CALCRL: variants seen among roughly 807,000 people sequenced by gnomAD.
The protein encoded by CALCRL is calcitonin receptor like receptor.
Under a neutral mutation model 60.4 loss-of-function variants are expected in CALCRL, and 27 were observed. That is an observed-to-expected ratio of 0.45 (90% CI 0.33 to 0.62). The LOEUF (loss-of-function observed/expected upper bound fraction) is 0.62, where lower values mean the gene tolerates loss of function less well. CALCRL is among the 20% of genes least tolerant of loss of function. The pLI is 0.03. For synonymous variants in CALCRL, 190 were observed against 182.6 expected, an observed-to-expected ratio of 1.04 and a Z score of -0.33; for missense variants, 424 against 540.7, an observed-to-expected ratio of 0.78 and a Z score of 2.14.
At position 187,363,366 on chromosome 2, in the gene CALCRL, G is replaced by A. The variant is rs373842369; in HGVS notation, c.627+10C>T. On this transcript the variant is annotated intron_variant, in intron 9 of 14. Transcript: ENST00000392370. ...CCCTTGAACCAAGGGCACAATCTTG[G>A]TTTACTTACAGGATTTGTGGCTACT... 3 of 1,604,396 alleles carry A rather than the reference G, an allele frequency of 1.9e-6. No individual in the cohort carries two copies. The highest frequency in any genetic ancestry group is 2.6e-6 in the Non-Finnish European group (3 of 1,176,064).
intron 1 of CALCRL, among the ~76,000 whole-genome samples, chr2:187,391,305 C>G (rs1049828695): frequency 3.3e-5 from 5 of 152,144 alleles, no homozygotes; most frequent in Non-Finnish European, 7.3e-5. Context: ...AGCTGTTAAG[C>G]AAATCATTTT....
intron 9 of CALCRL, among the ~76,000 whole-genome samples, chr2:187,362,590 A>AC (rs4034403): frequency 2.0e-5 from 3 of 151,720 alleles, no homozygotes; most frequent in Non-Finnish European, 4.4e-5. Context: ...ACACACACAC[A>AC]AAATATAGTA....
intron 9 of CALCRL, 82 bp from the exon 10 acceptor site, chr2:187,360,833 A>G (rs1687025083): frequency 1.5e-6 from 2 of 1,298,040 alleles, no homozygotes; most frequent in Non-Finnish European, 2.1e-6. Flanking sequence ...CTCAGGAAAC[A>G]TGGAACATTC....
intron 12 of CALCRL, among the ~76,000 whole-genome samples, chr2:187,355,928 G>T (rs1686759408): frequency 6.6e-6 from 1 of 152,024 alleles, no homozygotes; most frequent in Admixed American, 6.6e-5. Context: ...AAATATCTAG[G>T]AATACAACTT....
chr2:187,422,458 G>A (rs1204628239), intron 1 of CALCRL, among the ~76,000 whole-genome samples: 2 of 152,042 alleles, frequency 1.3e-5, no homozygotes, highest in African/African-American at 2.4e-5. Context: ...CTAATTCAAT[G>A]GACAATGGAT....
chr2:187,350,354 T>G (rs1214182764), intron 14 of CALCRL, among the ~76,000 whole-genome samples: 1 of 151,560 alleles, frequency 6.6e-6, no homozygotes, highest in Non-Finnish European at 1.5e-5. Flanking sequence ...TAACATTAAA[T>G]TTATAGAGGT....
chr2:187,413,701 G>A (rs1689465418), intron 1 of CALCRL, among the ~76,000 whole-genome samples: 1 of 152,116 alleles, frequency 6.6e-6, no homozygotes, highest in Non-Finnish European at 1.5e-5. Context: ...CAGTACAAGG[G>A]CTGGCACACA....
chr2:187,384,427 C>T (rs565517573), intron 4 of CALCRL, among the ~76,000 whole-genome samples: 1 of 152,282 alleles, frequency 6.6e-6, no homozygotes. Flanking sequence ...CACGATCTTA[C>T]ATGAGTTCAA....
At chr2:187,400,004 A>G (rs939134399) in intron 1 of CALCRL, among the ~76,000 whole-genome samples, 2 of 151,438 alleles carry the variant, frequency 1.3e-5, no homozygotes, top group African/African-American at 4.8e-5. Flanking sequence ...ACAGCTAGAT[A>G]GGAGGAGTAA....
chr2:187,383,179 C>G lies in CALCRL; in HGVS notation c.178G>C (p.Ala60Pro). Residue 60 changes from alanine (A) to proline (P), a missense_variant, in exon 5 of 15, where the codon GCA becomes CCA. Coordinates refer to ENST00000392370, the MANE Select transcript of CALCRL (RefSeq NM_005795.6). ...ACTAAGTAGCCATGCTTACCTTCTG[C>G]TTGTTGAATGGGGTCTTGCATAATC... ...QKIMQDPIQQ[A>P]EGVYCNRTWD... 1 of 1,607,844 alleles carries G rather than the reference C, an allele frequency of 6.2e-7. No individual in the cohort carries two copies. Among genetic ancestry groups the G allele is most frequent in the Non-Finnish European group, 8.5e-7 (1 of 1,178,760 alleles).
intron 8 of CALCRL, among the ~76,000 whole-genome samples, chr2:187,370,460 T>A (rs1284769980): frequency 2.0e-5 from 3 of 152,198 alleles, no homozygotes; most frequent in Non-Finnish European, 4.4e-5. Context: ...CCAGGAAAAC[T>A]TAGGTATGCT....
intron 1 of CALCRL, among the ~76,000 whole-genome samples, chr2:187,411,384 A>C (rs1263474580): frequency 6.6e-6 from 1 of 152,142 alleles, no homozygotes; most frequent in Admixed American, 6.5e-5. Context: ...TTTTTAGGTG[A>C]AACAGCCTCA....
intron 8 of CALCRL, among the ~76,000 whole-genome samples, chr2:187,368,699 G>C (rs187126418): frequency 2.7e-4 from 41 of 152,194 alleles, no homozygotes; most frequent in Admixed American, 2.5e-3. Flanking sequence ...CATGAAAGGA[G>C]AAAGTACAAG....
intron 8 of CALCRL, among the ~76,000 whole-genome samples, chr2:187,378,703 C>T (rs942507515): frequency 6.6e-6 from 1 of 152,106 alleles, no homozygotes; most frequent in Non-Finnish European, 1.5e-5. Flanking sequence ...GGACTCCCTT[C>T]TTATTATATG....
chr2:187,356,993 T>G (rs1025321899), intron 12 of CALCRL, among the ~76,000 whole-genome samples: 3 of 152,128 alleles, frequency 2.0e-5, no homozygotes, highest in African/African-American at 7.2e-5. Flanking sequence ...CATTAAAATG[T>G]CAGGAAACAA....
intron 1 of CALCRL, chr2:187,442,073 TATATATA>T (rs1690931269): frequency 5.0e-4 from 2 of 3,998 alleles, no homozygotes; most frequent in East Asian, 0.042. Context: ...AAAAACATTA[TATATATA>T]TATATATATA....
At chr2:187,383,753 G>A (rs1390740215) in intron 4 of CALCRL, among the ~76,000 whole-genome samples, 5 of 152,074 alleles carry the variant, frequency 3.3e-5, no homozygotes, top group Middle Eastern at 3.2e-3. Context: ...CAGAGGAGAC[G>A]TATCTGGCAC....
At chr2:187,442,511 AG>A (rs886515678) in intron 1 of CALCRL, among the ~76,000 whole-genome samples, 2 of 151,888 alleles carry the variant, frequency 1.3e-5, no homozygotes, top group African/African-American at 4.8e-5. Flanking sequence ...CCTATTGCAC[AG>A]GCACTCTTTC....
At chr2:187,414,322 G>A in intron 1 of CALCRL, among the ~76,000 whole-genome samples, 1 of 152,108 alleles carries the variant, frequency 6.6e-6, no homozygotes, top group Middle Eastern at 3.4e-3. Context: ...ATCTAAGAAA[G>A]TTTCTGAATT....
Sources: allele counts gnomAD v4.1 joint callset (sites outside exome capture counted in the v4.1 genomes callset), GRCh38; gene constraint gnomAD v4.1.1; transcripts MANE v1.5; gene names NCBI Gene and HGNC (gene_info 2026-07-23, HGNC 2026-07-21).